The following MTOR variants were observed in gnomAD, a reference collection of about 807,000 sequenced individuals.
The protein encoded by MTOR is serine/threonine-protein kinase mTOR.
Under a neutral mutation model 319.8 loss-of-function variants are expected in MTOR, and 70 were observed. That is an observed-to-expected ratio of 0.22 (90% CI 0.18 to 0.27). The LOEUF is 0.27. Ranked by LOEUF, MTOR falls within the 10% of genes least tolerant of loss-of-function variation. The pLI is 1.00. For missense variants in MTOR, 1,890 were observed against 3,274.4 expected (o/e 0.58, Z 10.32); for synonymous variants, 1,183 against 1,211.4 (o/e 0.98, Z 0.49).
intron 11 of MTOR, among the ~76,000 whole-genome samples, chr1:11,239,423 T>C (rs1335606975): frequency 2.0e-5 from 3 of 152,150 alleles, no homozygotes; most frequent in Non-Finnish European, 4.4e-5. Context: ...AGAGAAACCA[T>C]GGGTGGCTGT....
intron 53 of MTOR, 116 bp downstream of exon 53, chr1:11,114,202 C>T: frequency 7.7e-7 from 1 of 1,296,914 alleles, no homozygotes; most frequent in Non-Finnish European, 1.1e-6. Context: ...ACTATGTTGC[C>T]CAGGCTGGTC....
At position 11,115,327 on chromosome 1, in the gene MTOR, C is replaced by T. The variant is rs1212720337; in HGVS notation, c.7089+69G>A. On this transcript the variant is annotated intron_variant, in intron 51 of 57. Coordinates refer to ENST00000361445, the MANE Select transcript of MTOR (RefSeq NM_004958.4). The surrounding 1 kb of genome is among the most constrained non-coding windows in gnomAD (Gnocchi z 4.5). The stretch of plus-strand genomic sequence containing the variant: ...GGCAGTTTGGGCTTAAGTCTGCCTA[C>T]AGTGTCAGAGGAGGGGGAAAAGTGA... 1.4e-6 allele frequency: 2 copies of T among 1,480,622 alleles called. No individual in the cohort carries two copies. Among genetic ancestry groups the T allele is most frequent in the Admixed American group, 1.7e-5 (1 of 59,716 alleles). The allele number at this position is 1,480,622 out of a possible 1,614,324, so 91.7% of individuals were successfully genotyped here. A position where few individuals can be genotyped will look rare whatever the true frequency, so the allele number is the denominator to read the frequency against.
chr1:11,172,297 C>T (rs575838059), intron 28 of MTOR, among the ~76,000 whole-genome samples: 2 of 152,152 alleles, frequency 1.3e-5, no homozygotes, highest in Admixed American at 1.3e-4. Flanking sequence ...GTGGCTCACG[C>T]CTGTAATCCC....
chr1:11,157,545 T>G (rs574526039), intron 29 of MTOR, among the ~76,000 whole-genome samples: 1 of 152,208 alleles, frequency 6.6e-6, no homozygotes, highest in African/African-American at 2.4e-5. Flanking sequence ...CAGGCCATAC[T>G]CCTCCCCCAT....
intron 28 of MTOR, among the ~76,000 whole-genome samples, chr1:11,172,321 G>A (rs1437308882): frequency 6.6e-6 from 1 of 151,960 alleles, no homozygotes; most frequent in Non-Finnish European, 1.5e-5. Context: ...ACTTTGGGAG[G>A]CTGAGGTGGG....
intron 29 of MTOR, 139 bp downstream of exon 29, chr1:11,167,303 G>C: frequency 1.5e-6 from 1 of 660,652 alleles, no homozygotes; most frequent in East Asian, 2.6e-5. Context: ...CTTTCATCCT[G>C]AAGACTGGTA....
chr1:11,112,784 C>G (rs1641958550), intron 54 of MTOR, 68 bp downstream of exon 54: 2 of 1,536,738 alleles, frequency 1.3e-6, no homozygotes, highest in Admixed American at 3.4e-5. Flanking sequence ...CCGACTGAAG[C>G]CCACCCCACT....
Position 11,231,362 on chromosome 1 carries a change from T to C in MTOR, c.2587A>G (p.Thr863Ala). ...YVVEPYRKYP[T>A]LLEVLLNFLK... ...AAATTCAGTAGCACCTCAAGCAAAG[T>C]AGGGTACTTCCTGTAGGGCTCTACT... The change falls in exon 17 of 58, where the codon ACT becomes GCT. Residue 863 changes from threonine (T) to alanine (A), a missense_variant. This residue lies in a region of MTOR where 377 missense variants were observed against 653.9 expected (regional missense o/e 0.58). Coordinates refer to ENST00000361445, the MANE Select transcript of MTOR (RefSeq NM_004958.4). 1 of 1,614,122 alleles carries C rather than the reference T, an allele frequency of 6.2e-7. No individual in the cohort carries two copies. Among genetic ancestry groups the C allele is most frequent in the Non-Finnish European group, 8.5e-7 (1 of 1,180,006 alleles).
At chr1:11,194,409 G>A in intron 28 of MTOR, 2 of 1,564,540 alleles carry the variant, frequency 1.3e-6, no homozygotes, top group Middle Eastern at 4.4e-4. Context: ...TATAGAGACA[G>A]CATGAAATGG....
At position 11,128,730 on chromosome 1, in the gene MTOR, G is replaced by T; in HGVS notation, c.5811+125C>A. On this transcript the variant is annotated intron_variant, in intron 41 of 57. Transcript: ENST00000361445. The surrounding 1 kb of genome is among the most constrained non-coding windows in gnomAD (Gnocchi z 5.3). ...TATGGACACTTGACACTGGGACCGA[G>T]CCCTACTTCCTTAGCACTGTATTAA... 9.9e-7 allele frequency: 1 copy of T among 1,014,244 alleles called. No individual in the cohort carries two copies. The highest frequency in any genetic ancestry group is 1.5e-6 in the Non-Finnish European group (1 of 671,780). The allele number at this position is 1,014,244 out of a possible 1,614,324, so 62.8% of individuals were successfully genotyped here.
chr1:11,149,988 G>T (rs1644081795), intron 31 of MTOR, 138 bp downstream of exon 31: 1 of 611,606 alleles, frequency 1.6e-6, no homozygotes, highest in Non-Finnish European at 2.8e-6. Context: ...GGAAGGTGTA[G>T]AAGTAGGTGG....
chr1:11,155,212 G>A (rs1356150250), intron 30 of MTOR, among the ~76,000 whole-genome samples: 4 of 152,118 alleles, frequency 2.6e-5, no homozygotes, highest in African/African-American at 9.7e-5. Context: ...GAAATATCAT[G>A]CAGCTATTAA....
At chr1:11,259,515 T>G (rs1650838860) in intron 1 of MTOR, 92 bp from the exon 2 acceptor site, 2 of 1,365,490 alleles carry the variant, frequency 1.5e-6, no homozygotes, top group African/African-American at 1.5e-5. Context: ...GATCTCCCCC[T>G]AGCCCTTGTC....
At chr1:11,221,436 T>C (rs1646659336) in intron 19 of MTOR, among the ~76,000 whole-genome samples, 1 of 152,126 alleles carries the variant, frequency 6.6e-6, no homozygotes, top group Admixed American at 6.6e-5. Context: ...AGTCATCTTA[T>C]TGTTAATACT....
At chr1:11,254,889 CA>C (rs1328498760) in intron 5 of MTOR, among the ~76,000 whole-genome samples, 1 of 151,978 alleles carries the variant, frequency 6.6e-6, no homozygotes, top group Non-Finnish European at 1.5e-5. Flanking sequence ...CTCAGCCTCC[CA>C]AATAGCTGGG....
In MTOR at chr1:11,241,549, C is replaced by A; in HGVS notation, c.1541+4G>T. The A allele has an allele frequency of 6.2e-7, 1 of 1,606,494 alleles. No individual in the cohort carries two copies. The highest frequency in any genetic ancestry group is 8.5e-7 in the Non-Finnish European group (1 of 1,174,998). Reference sequence around the variant, plus strand: ...CAGGGCAAGCTCAGGTTTCTGACACCCACCTTAGTCCCACTGCCAGCATGG... The same window carrying A: ...CAGGGCAAGCTCAGGTTTCTGACACACACCTTAGTCCCACTGCCAGCATGG... On this transcript the variant is annotated splice_donor_region_variant and intron_variant, in intron 10 of 57. Coordinates refer to ENST00000361445, the MANE Select transcript of MTOR (RefSeq NM_004958.4).
chr1:11,200,557 A>C (rs1273428825), intron 26 of MTOR, among the ~76,000 whole-genome samples: 1 of 152,186 alleles, frequency 6.6e-6, no homozygotes. Flanking sequence ...AAAAAACAGG[A>C]TATACCTACA....
chr1:11,222,364 T>C (rs1226021043), intron 19 of MTOR, among the ~76,000 whole-genome samples: 1 of 151,914 alleles, frequency 6.6e-6, no homozygotes, highest in African/African-American at 2.4e-5. Flanking sequence ...GCCTGGCTAA[T>C]TTTTTTGTAT....
chr1:11,112,937 G>A lies in MTOR; in HGVS notation c.7301-20C>T. The stretch of plus-strand genomic sequence containing the variant: ...TATTTGCTAGGGAGAGAAATAAAGA[G>A]TATTGAAACATGCTTCAAATTTTGA... On this transcript the variant is annotated intron_variant, in intron 53 of 57. Coordinates refer to ENST00000361445, the MANE Select transcript of MTOR (RefSeq NM_004958.4). The A allele has an allele frequency of 2.5e-6, 4 of 1,605,538 alleles. No homozygotes were observed. Among genetic ancestry groups the A allele is most frequent in the Non-Finnish European group, 3.4e-6 (4 of 1,176,164 alleles).
Sources: allele counts gnomAD v4.1 joint callset (sites outside exome capture counted in the v4.1 genomes callset), GRCh38; gene constraint gnomAD v4.1.1; regional missense constraint gnomAD v4.1.1; non-coding constraint Gnocchi (gnomAD v3.1); transcripts MANE v1.5; gene names NCBI Gene and HGNC (gene_info 2026-07-23, HGNC 2026-07-21).